The following ERBB4 variants were observed in gnomAD, a reference collection of about 807,000 sequenced individuals.
The protein encoded by ERBB4 is receptor tyrosine-protein kinase erbB-4.
In ERBB4, 42 loss-of-function variants were observed where a neutral mutation model predicts 158.0. That is an observed-to-expected ratio of 0.27 (90% CI 0.21 to 0.34). The LOEUF (loss-of-function observed/expected upper bound fraction) is 0.34, where lower values mean the gene tolerates loss of function less well. Among genes scored for constraint, ERBB4 ranks in the 10% least tolerant of loss-of-function variants. ERBB4 has a pLI of 1.00. For synonymous variants in ERBB4, 583 were observed against 558.7 expected (o/e 1.04, Z -0.61); for missense variants, 1,333 against 1,624.1 (o/e 0.82, Z 3.08).
In ERBB4 at chr2:212,416,377, G is replaced by C. The variant is rs1349491571; in HGVS notation, c.82+122072C>G. On this transcript the variant is annotated intron_variant, in intron 1 of 27. Coordinates refer to ENST00000342788, the MANE Select transcript of ERBB4 (RefSeq NM_005235.3). ...AACATCCTTTCATTCCTCTGCTAGA[G>C]AGTTCTGGCTCACACCCACTGGAGC... Among the ~76,000 whole-genome samples the C allele has an allele frequency of 2.0e-5, 3 of 152,080 alleles. No homozygotes were observed. In the South Asian group the frequency reaches 6.2e-4, roughly 31 times the overall value.
chr2:211,715,834 A>T (rs576266436), intron 7 of ERBB4, among the ~76,000 whole-genome samples: 84 of 152,270 alleles, frequency 5.5e-4, no homozygotes, highest in Middle Eastern at 3.4e-3. Context: ...TTTGTTTATC[A>T]ATTACCCAGT....
At chr2:211,399,792 G>A (rs2062995238) in intron 25 of ERBB4, among the ~76,000 whole-genome samples, 1 of 152,092 alleles carries the variant, frequency 6.6e-6, no homozygotes, top group South Asian at 2.1e-4. Flanking sequence ...GAGACCTAGA[G>A]AACCAGGGTT....
chr2:211,813,081 C>G (rs574726459), intron 3 of ERBB4, among the ~76,000 whole-genome samples: 1 of 152,298 alleles, frequency 6.6e-6, no homozygotes, highest in Admixed American at 6.5e-5. Flanking sequence ...ATGAGATGAA[C>G]CAGGTACCTC....
At chr2:212,237,550 CG>C (rs561602755) in intron 1 of ERBB4, among the ~76,000 whole-genome samples, 370 of 152,164 alleles carry the variant, frequency 2.4e-3, no homozygotes, top group Non-Finnish European at 4.1e-3. Flanking sequence ...TCTGGAGGCA[CG>C]GGGGTCAGGG....
In ERBB4 at chr2:211,443,021, G is replaced by C. The variant is rs552421341; in HGVS notation, c.2488-11921C>G. On this transcript the variant is annotated intron_variant, in intron 20 of 27. Transcript: ENST00000342788. ...ACCAATTTCATCACGTTTTGGGACA[G>C]TCAATAAATAATAGTCGATTGATTG... Among the ~76,000 whole-genome samples, 753 of 152,058 alleles carry C rather than the reference G, an allele frequency of 5.0e-3. 5 individuals are homozygous for C. Among genetic ancestry groups the C allele is most frequent in the Non-Finnish European group, 8.8e-3 (596 of 67,974 alleles).
At chr2:212,442,546 T>C (rs1466991845) in intron 1 of ERBB4, among the ~76,000 whole-genome samples, 2 of 152,162 alleles carry the variant, frequency 1.3e-5, no homozygotes, top group Non-Finnish European at 2.9e-5. Context: ...AAGATCACTG[T>C]GGTCCTCCAG....
chr2:211,784,805 A>G (rs538617417), intron 4 of ERBB4, among the ~76,000 whole-genome samples: 1 of 152,160 alleles, frequency 6.6e-6, no homozygotes, highest in South Asian at 2.1e-4. Flanking sequence ...GTGGGAGACA[A>G]TATCTTATTG....
At chr2:212,194,023 TA>T (rs2082350827) in intron 1 of ERBB4, among the ~76,000 whole-genome samples, 1 of 152,038 alleles carries the variant, frequency 6.6e-6, no homozygotes, top group Non-Finnish European at 1.5e-5. Context: ...AACAGGCTAA[TA>T]AAAAGGACTT....
intron 20 of ERBB4, among the ~76,000 whole-genome samples, chr2:211,450,402 A>G (rs2064216059): frequency 6.6e-6 from 1 of 152,174 alleles, no homozygotes; most frequent in Non-Finnish European, 1.5e-5. Context: ...CATTGGCTAC[A>G]GTGTGAATGA....
At chr2:211,417,947 G>GTTAA (rs1160630655) in intron 25 of ERBB4, among the ~76,000 whole-genome samples, 3 of 152,098 alleles carry the variant, frequency 2.0e-5, no homozygotes, top group Non-Finnish European at 4.4e-5. Flanking sequence ...ATTTTTTAAA[G>GTTAA]TTAATTGCCT....
chr2:211,467,498 G>A (rs2064723090), intron 20 of ERBB4, among the ~76,000 whole-genome samples: 1 of 152,100 alleles, frequency 6.6e-6, no homozygotes, highest in South Asian at 2.1e-4. Context: ...GCTTGTCTAC[G>A]TTCACAGTGC....
intron 1 of ERBB4, among the ~76,000 whole-genome samples, chr2:212,237,360 G>T (rs1456385235): frequency 6.6e-6 from 1 of 152,144 alleles, no homozygotes; most frequent in African/African-American, 2.4e-5. Flanking sequence ...GCTGGAATTT[G>T]CTGGAGGTCC....
intron 16 of ERBB4, among the ~76,000 whole-genome samples, chr2:211,636,124 AAG>A (rs1368471041): frequency 2.6e-5 from 4 of 151,974 alleles, no homozygotes; most frequent in African/African-American, 9.7e-5. Context: ...TTTAAAAAAA[AAG>A]TATATAAGAA....
chr2:211,795,700 C>T (rs1473455988), intron 3 of ERBB4, among the ~76,000 whole-genome samples: 2 of 151,502 alleles, frequency 1.3e-5, no homozygotes, highest in Admixed American at 6.6e-5. Context: ...GACAAAAGAA[C>T]AGAGGAAGAG....
chr2:212,034,730 T>G (rs941788879), intron 2 of ERBB4, among the ~76,000 whole-genome samples: 1 of 152,162 alleles, frequency 6.6e-6, no homozygotes, highest in Non-Finnish European at 1.5e-5. Flanking sequence ...TCAAGATTCT[T>G]TAGCCTTTTT....
intron 1 of ERBB4, among the ~76,000 whole-genome samples, chr2:212,531,400 A>G (rs1692748720): frequency 6.6e-6 from 1 of 152,220 alleles, no homozygotes; most frequent in African/African-American, 2.4e-5. Context: ...AAATAAATTT[A>G]TAGTCAGTAC....
intron 1 of ERBB4, among the ~76,000 whole-genome samples, chr2:212,385,934 T>C (rs1399277105): frequency 6.6e-6 from 1 of 151,904 alleles, no homozygotes; most frequent in African/African-American, 2.4e-5. Flanking sequence ...TCTGAGTTAC[T>C]AGTATTTCTT....
At chr2:212,479,463 T>A (rs1689575487) in intron 1 of ERBB4, among the ~76,000 whole-genome samples, 1 of 152,180 alleles carries the variant, frequency 6.6e-6, no homozygotes, top group African/African-American at 2.4e-5. Context: ...GAAAAGCAAC[T>A]TTTTATAAAC....
At chr2:212,293,065 A>T (rs2086267979) in intron 1 of ERBB4, among the ~76,000 whole-genome samples, 1 of 152,110 alleles carries the variant, frequency 6.6e-6, no homozygotes, top group Admixed American at 6.6e-5. Context: ...AGCCTAATCT[A>T]CTGACAGTAG....
Sources: gnomAD v4.1 joint callset for allele counts (sites outside exome capture counted in the v4.1 genomes callset) on GRCh38, gnomAD v4.1.1 for gene constraint, MANE v1.5 for transcripts, NCBI Gene and HGNC (gene_info 2026-07-23, HGNC 2026-07-21) for gene names.